TSGA13: variants seen among roughly 807,000 people sequenced by gnomAD.
TSGA13 encodes the protein testis-specific gene 13 protein.
A neutral mutation model predicts 35.1 loss-of-function variants in TSGA13; 37 were observed. The ratio of observed to expected loss-of-function variants is 1.05; its 90% CI spans 0.81 to 1.39. The LOEUF is 1.39. Among genes scored for constraint, TSGA13 ranks in the 40% most tolerant of loss-of-function variants. TSGA13 has a pLI of 0.00. For synonymous variants in TSGA13, 124 were observed against 121.2 expected (o/e 1.02, Z -0.15); for missense variants, 338 against 328.5 (o/e 1.03, Z -0.22).
At chr7:130,670,199 G>A (rs894109725) in intron 7 of TSGA13, among the ~76,000 whole-genome samples, 2 of 152,216 alleles carry the variant, frequency 1.3e-5, no homozygotes, top group East Asian at 1.9e-4. Context: ...AAGAGCATCA[G>A]TAGGTGGAAA....
intron 3 of TSGA13, 107 bp downstream of exon 3, chr7:130,683,487 A>T: frequency 1.1e-6 from 1 of 928,016 alleles, no homozygotes; most frequent in Non-Finnish European, 1.6e-6. Flanking sequence ...ATACATTTTT[A>T]CTCCTTTTTG....
upstream of TSGA13, chr7:130,687,302 T>G (rs916242916): frequency 7.9e-4 from 121 of 152,374 alleles, 1 homozygote; most frequent in African/African-American, 2.8e-3. Flanking sequence ...TATAGTGTCT[T>G]GTAGTTCTGT....
chr7:130,668,708 C>A lies in TSGA13; in HGVS notation c.*306G>T. The A allele has an allele frequency of 6.6e-7, 1 of 1,513,846 alleles. No individual in the cohort carries two copies. Among genetic ancestry groups the A allele is most frequent in the Non-Finnish European group, 8.8e-7 (1 of 1,131,148 alleles). 93.8% of individuals were successfully genotyped at this position (1,513,846 alleles called of 1,614,324 possible). A position where few individuals can be genotyped will look rare whatever the true frequency, so the allele number is the denominator to read the frequency against. ...CAGCGCCCAGACCCACCGCAACCGT[C>A]CCAGGCGCCGCAGCCGGCGAGCGGA... On this transcript the variant is annotated 3_prime_UTR_variant, in exon 8 of 8. Coordinates refer to ENST00000356588, the MANE Select transcript of TSGA13 (RefSeq NM_052933.4).
intron 3 of TSGA13, among the ~76,000 whole-genome samples, chr7:130,681,400 C>G (rs1554465075): frequency 6.6e-6 from 1 of 152,120 alleles, no homozygotes; most frequent in African/African-American, 2.4e-5. Context: ...AGGTGAAAAT[C>G]AACATGCAGG....
Sources: allele counts gnomAD v4.1 joint callset (sites outside exome capture counted in the v4.1 genomes callset), GRCh38; gene constraint gnomAD v4.1.1; transcripts MANE v1.5; gene names NCBI Gene and HGNC (gene_info 2026-07-23, HGNC 2026-07-21).